Variants in SCHIP1 observed in about 807,000 individuals in gnomAD.
SCHIP1 encodes the protein schwannomin-interacting protein 1.
A neutral mutation model predicts 29.7 loss-of-function variants in SCHIP1; 8 were observed. The observed-to-expected ratio is 0.27, with a 90% CI of 0.16 to 0.49. The LOEUF is 0.49. Ranked by LOEUF, SCHIP1 falls within the 20% of genes least tolerant of loss-of-function variation. The pLI is 0.99. For missense variants in SCHIP1, 193 were observed against 294.6 expected, an observed-to-expected ratio of 0.66 and a Z score of 2.52; for synonymous variants, 76 against 94.9, an observed-to-expected ratio of 0.80 and a Z score of 1.16.
the SCHIP1 span, among the ~76,000 whole-genome samples, chr3:159,276,585 G>T: frequency 6.6e-6 from 1 of 152,080 alleles, no homozygotes; most frequent in Admixed American, 6.6e-5. Context: ...TTCCTACTTT[G>T]TATTACATGA....
chr3:159,696,532 A>G, the SCHIP1 span, among the ~76,000 whole-genome samples: 2 of 152,228 alleles, frequency 1.3e-5, no homozygotes, highest in Non-Finnish European at 1.5e-5. Context: ...CACTTGCCAT[A>G]AATAACATAT....
chr3:159,341,154 C>T, the SCHIP1 span, among the ~76,000 whole-genome samples: 2 of 151,768 alleles, frequency 1.3e-5, no homozygotes, highest in South Asian at 4.2e-4. Context: ...ATCTCACCCT[C>T]CCCTTGCTTT....
At chr3:159,515,116 G>A in the SCHIP1 span, among the ~76,000 whole-genome samples, 1 of 151,704 alleles carries the variant, frequency 6.6e-6, no homozygotes, top group African/African-American at 2.4e-5. Flanking sequence ...CCCCTGGCTG[G>A]GATTATTTTA....
chr3:159,771,288 A>G, the SCHIP1 span, among the ~76,000 whole-genome samples: 1 of 152,254 alleles, frequency 6.6e-6, no homozygotes, highest in Non-Finnish European at 1.5e-5. Flanking sequence ...CTATGTTTAA[A>G]TTACACAAGT....
At chr3:159,575,943 C>T in the SCHIP1 span, among the ~76,000 whole-genome samples, 2 of 152,086 alleles carry the variant, frequency 1.3e-5, no homozygotes, top group African/African-American at 4.8e-5. Context: ...ATCATGTATT[C>T]TAATTACTCT....
the SCHIP1 span, among the ~76,000 whole-genome samples, chr3:159,660,533 G>T: frequency 6.6e-6 from 1 of 151,600 alleles, no homozygotes; most frequent in African/African-American, 2.4e-5. Flanking sequence ...AATGTGTGTG[G>T]GTATATTTTA....
the SCHIP1 span, among the ~76,000 whole-genome samples, chr3:159,647,885 C>T: frequency 4.9e-4 from 75 of 152,200 alleles, no homozygotes; most frequent in African/African-American, 1.8e-3. Context: ...AAGCTCCCTC[C>T]CAAAAATAGG....
chr3:159,685,444 T>C, the SCHIP1 span, among the ~76,000 whole-genome samples: 7,436 of 152,268 alleles, frequency 0.049, 364 homozygotes, highest in African/African-American at 0.12. Flanking sequence ...TCAGATTCTG[T>C]TTAGAATCAA....
chr3:159,695,333 T>G, the SCHIP1 span, among the ~76,000 whole-genome samples: 2 of 152,320 alleles, frequency 1.3e-5, no homozygotes, highest in South Asian at 4.1e-4. Context: ...TCATCTTACA[T>G]TCCAAGATCC....
chr3:159,302,643 G>A, the SCHIP1 span, among the ~76,000 whole-genome samples: 1 of 152,154 alleles, frequency 6.6e-6, no homozygotes, highest in Non-Finnish European at 1.5e-5. Context: ...TTGTAGATTC[G>A]AGTTTATACA....
the SCHIP1 span, among the ~76,000 whole-genome samples, chr3:159,283,596 G>A: frequency 2.0e-5 from 3 of 151,874 alleles, no homozygotes; most frequent in Admixed American, 1.3e-4. Flanking sequence ...GAGCCACCGC[G>A]CCTGGCTATT....
At chr3:159,554,071 C>T in the SCHIP1 span, among the ~76,000 whole-genome samples, 2 of 149,898 alleles carry the variant, frequency 1.3e-5, no homozygotes, top group South Asian at 2.1e-4. Context: ...GGGGTGCCAC[C>T]GTGTTAGCCG....
the SCHIP1 span, among the ~76,000 whole-genome samples, chr3:159,815,504 A>G: frequency 6.6e-6 from 1 of 152,184 alleles, no homozygotes; most frequent in Non-Finnish European, 1.5e-5. Context: ...AAGGACGCCG[A>G]AGGTGTGTCT....
the SCHIP1 span, among the ~76,000 whole-genome samples, chr3:159,356,778 T>C: frequency 2.0e-5 from 3 of 152,178 alleles, no homozygotes; most frequent in African/African-American, 7.2e-5. Context: ...TCACTTTCTG[T>C]CTGAAGGAGC....
chr3:159,841,249 C>T (rs140189901), intron 1 of SCHIP1, among the ~76,000 whole-genome samples: 58 of 152,266 alleles, frequency 3.8e-4, no homozygotes, highest in African/African-American at 1.3e-3. Context: ...AGCTAAGTAA[C>T]GTGTGCCTAT....
chr3:159,765,126 C>A, the SCHIP1 span: 2 of 1,565,260 alleles, frequency 1.3e-6, no homozygotes, highest in Non-Finnish European at 1.7e-6. Context: ...AGGCGAGGAC[C>A]AACTCCACCT....
chr3:159,317,251 T>C, the SCHIP1 span, among the ~76,000 whole-genome samples: 1 of 152,332 alleles, frequency 6.6e-6, no homozygotes, highest in East Asian at 1.9e-4. Context: ...ACTTCCTTCT[T>C]AGACTGTTGA....
the SCHIP1 span, among the ~76,000 whole-genome samples, chr3:159,788,828 T>C: frequency 6.6e-6 from 1 of 152,162 alleles, no homozygotes; most frequent in Non-Finnish European, 1.5e-5. Flanking sequence ...ACCAATAGGG[T>C]ATAATATATA....
At chr3:159,770,000 T>C in the SCHIP1 span, among the ~76,000 whole-genome samples, 308 of 152,342 alleles carry the variant, frequency 2.0e-3, 1 homozygote, top group Non-Finnish European at 3.6e-3. Context: ...CTGATTTCTA[T>C]GTTATAGATT....
Sources: gnomAD v4.1 joint callset for allele counts (sites outside exome capture counted in the v4.1 genomes callset) on GRCh38, gnomAD v4.1.1 for gene constraint, MANE v1.5 for transcripts, NCBI Gene and HGNC (gene_info 2026-07-23, HGNC 2026-07-21) for gene names.